Variants in TTN observed in about 807,000 individuals in gnomAD.
The protein encoded by TTN is connectin.
In TTN, 1,525 loss-of-function variants were observed where a neutral mutation model predicts 3,223.0. That is an observed-to-expected ratio of 0.47 (90% CI 0.45 to 0.49). TTN has a LOEUF of 0.49. Ranked by LOEUF, TTN falls within the 20% of genes least tolerant of loss-of-function variation. TTN has a pLI of 0.00. For synonymous variants in TTN, 14,094 were observed against 15,161.0 expected (o/e 0.93, Z 5.17); for missense variants, 40,786 against 43,424.0 (o/e 0.94, Z 5.40).
At chr2:178,578,761 C>CA (rs1553620191) in intron 320 of TTN, 45 bp downstream of exon 320, 1 of 1,604,592 alleles carries the variant, frequency 6.2e-7, no homozygotes, top group Non-Finnish European at 8.5e-7. Context: ...GAAGCCTCCT[C>CA]AAAACCGTGT....
At position 178,534,023 on chromosome 2, in the gene TTN, C is replaced by G. The variant is rs948836784; in HGVS notation, c.102592G>C (p.Asp34198His). ...EDGVAILYVKDITKLDDGTYR... is the reference protein window; with the variant it reads ...EDGVAILYVKHITKLDDGTYR... The stretch of plus-strand genomic sequence containing the variant: ...GTACCATCATCTAATTTGGTAATGT[C>G]TTTGACATAGAGGATGGCCACTCCA... The change falls in exon 358 of 363, where the codon GAC becomes CAC. Residue 34198 changes from aspartate (D) to histidine (H), a missense_variant. Transcript: ENST00000589042. The G allele has an allele frequency of 6.2e-7, 1 of 1,613,828 alleles. No individual in the cohort carries two copies. Among genetic ancestry groups the G allele is most frequent in the Admixed American group, 1.7e-5 (1 of 59,986 alleles).
At chr2:178,699,028 A>T in intron 111 of TTN, 114 bp from the exon 112 acceptor site, 1 of 1,101,848 alleles carries the variant, frequency 9.1e-7, no homozygotes, top group Non-Finnish European at 1.3e-6. Context: ...ATATGTTGAT[A>T]GTAGCGAGAT....
chr2:178,726,836 G>T, intron 69 of TTN: 1 of 333,018 alleles, frequency 3.0e-6, no homozygotes, highest in East Asian at 4.7e-5. Context: ...GAAACATCAC[G>T]TTTGATGTTT....
intron 92 of TTN, 178 bp downstream of exon 92, chr2:178,713,719 T>C: frequency 1.1e-5 from 10 of 911,860 alleles, no homozygotes; most frequent in Non-Finnish European, 1.6e-5. Flanking sequence ...GAAAGGGATA[T>C]AACTTTTGAA....
At position 178,554,519 on chromosome 2, in the gene TTN, C is replaced by T. The variant is rs1289495878; in HGVS notation, c.88828G>A (p.Ala29610Thr). ...TCGCCAATTCCATATTTGTTCACGG[C>T]TCGGACCCGGAAGATGTATTCATTT... ...KGNEYIFRVR[A>T]VNKYGIGEPL... The change falls in exon 332 of 363, where the codon GCC (alanine) becomes ACC (threonine). Residue 29610 changes from alanine to threonine, a missense_variant. Coordinates refer to ENST00000589042, the MANE Select transcript of TTN (RefSeq NM_001267550.2). The T allele has an allele frequency of 1.2e-6, 2 of 1,613,482 alleles. No individual in the cohort carries two copies. Among genetic ancestry groups the T allele is most frequent in the South Asian group, 2.2e-5 (2 of 91,044 alleles).
intron 89 of TTN, 56 bp from the exon 90 acceptor site, chr2:178,715,320 T>A: frequency 6.5e-7 from 1 of 1,528,648 alleles, no homozygotes; most frequent in Non-Finnish European, 8.8e-7. Flanking sequence ...TAGTTAAAAG[T>A]AAGAATCAAT....
chr2:178,696,077 G>C lies in TTN; in HGVS notation c.30995C>G (p.Pro10332Arg), dbSNP rs1266180764. 6 of 1,551,164 alleles carry C rather than the reference G, an allele frequency of 3.9e-6. No homozygotes were observed. The highest frequency in any genetic ancestry group is 5.2e-6 in the Non-Finnish European group (6 of 1,146,682). The change falls in exon 114 of 363, where the codon CCA (proline) becomes CGA (arginine). Residue 10332 changes from proline (P) to arginine (R), a missense_variant. By Grantham distance (103) the Pro-to-Arg change is moderately radical (BLOSUM62 -2). Coordinates refer to ENST00000589042, the MANE Select transcript of TTN (RefSeq NM_001267550.2). ...DELEVEPYTE[P>R]FEQPYYEEPD... ...TTCTTCATAATAAGGTTGTTCAAAT[G>C]GCTCTGTGTATGGTTCTACCTCCAG...
intron 220 of TTN, 40 bp downstream of exon 220, chr2:178,641,201 G>A: frequency 7.5e-7 from 1 of 1,325,270 alleles, no homozygotes; most frequent in Non-Finnish European, 1.0e-6. Context: ...TGTCCATTTT[G>A]TTAAAAGATA....
Position 178,599,802 on chromosome 2 carries a change from G to T in TTN, c.56099C>A (p.Thr18700Asn). Residue 18700 changes from threonine to asparagine, a missense_variant, in exon 289 of 363, where the codon ACC becomes AAC. By Grantham distance (65) the Thr-to-Asn change is moderately conservative (BLOSUM62 0). Transcript: ENST00000589042. Reference protein sequence around the residue: ...LKEFMEVEEGTNVNIVAKIKG... With the variant: ...LKEFMEVEEGNNVNIVAKIKG... ...AATTTTGGCCACAATGTTAACATTG[G>T]TTCCTTCTTCAACCTCCATGAATTC... 1 of 1,605,684 alleles carries T rather than the reference G, an allele frequency of 6.2e-7. No homozygotes were observed. Among genetic ancestry groups the T allele is most frequent in the South Asian group, 1.1e-5 (1 of 89,280 alleles).
intron 308 of TTN, 29 bp downstream of exon 308, chr2:178,586,476 A>G (rs1295863025): frequency 1.2e-6 from 2 of 1,606,088 alleles, no homozygotes; most frequent in Non-Finnish European, 1.7e-6. Flanking sequence ...AACTTACCAC[A>G]TGACATAAAT....
At chr2:178,692,146 T>C (rs1200503327) in intron 120 of TTN, 47 bp from the exon 121 acceptor site, 2 of 1,518,040 alleles carry the variant, frequency 1.3e-6, no homozygotes, top group African/African-American at 2.7e-5. Flanking sequence ...TCTAGTCACC[T>C]TCTGAGACAT....
At chr2:178,714,662 T>C in intron 90 of TTN, 89 bp from the exon 91 acceptor site, 1 of 1,370,788 alleles carries the variant, frequency 7.3e-7, no homozygotes, top group Non-Finnish European at 9.7e-7. Flanking sequence ...ATCAAACTAG[T>C]GATAATGTGT....
chr2:178,757,477 A>C lies in TTN; in HGVS notation c.10678+65T>G, dbSNP rs562019321. ...AATAAAACAAACAGCAGAGACTCTCATTAGTAACAGTGGGACTGAGAGGTA... is the reference window on the plus strand; with the variant it reads ...AATAAAACAAACAGCAGAGACTCTCCTTAGTAACAGTGGGACTGAGAGGTA... On this transcript the variant is annotated intron_variant, in intron 45 of 362. Coordinates refer to ENST00000589042, the MANE Select transcript of TTN (RefSeq NM_001267550.2). The C allele has an allele frequency of 1.7e-4, 249 of 1,475,868 alleles. 1 individual carries two copies. The African/African-American group carries it at 3.1e-3, about 18-fold the overall frequency. The allele number at this position is 1,475,868 out of a possible 1,614,324, so 91.4% of individuals were successfully genotyped here.
In TTN at chr2:178,751,780, G is replaced by A. The variant is rs569831994; in HGVS notation, c.11311+1344C>T. On this transcript the variant is annotated intron_variant, in intron 47 of 362. Transcript: ENST00000589042. ...GAAGACCTGTTGGGATGGGCCGATT[G>A]TTATGAAACCAAGTCATTTCTGGAG... 1.9e-6 allele frequency: 3 copies of A among 1,613,106 alleles called. No individual in the cohort carries two copies. In the East Asian group the frequency reaches 6.7e-5, roughly 36 times the overall value.
rs2061106396 is a variant in TTN at position 178,640,523 on chromosome 2, A to G, written c.40723+18T>C. On this transcript the variant is annotated intron_variant, in intron 221 of 362. Transcript: ENST00000589042. ...TTTGCATTTTTAGAGACAACTAAGA[A>G]TGACAGTAGATTTGTACCTTTTGTT... The G allele has an allele frequency of 6.3e-7, 1 of 1,595,956 alleles. No homozygotes were observed. Among genetic ancestry groups the G allele is most frequent in the Admixed American group, 1.7e-5 (1 of 57,426 alleles).
chr2:178,634,942 T>C lies in TTN; in HGVS notation c.42025-93A>G. On this transcript the variant is annotated intron_variant, in intron 228 of 362. Transcript: ENST00000589042. The surrounding 1 kb of genome is among the most constrained non-coding windows in gnomAD (Gnocchi z 4.6). ...ACAAATTTCTATAGAGTTTTAAAAA[T>C]TACTACTAATAAAAGTAAGCAGAGA... 1 of 1,440,622 alleles carries C rather than the reference T, an allele frequency of 6.9e-7. No individual in the cohort carries two copies. The allele number at this position is 1,440,622 out of a possible 1,614,324, so 89.2% of individuals were successfully genotyped here.
At chr2:178,612,248 T>G in intron 266 of TTN, 29 bp downstream of exon 266, 1 of 1,607,426 alleles carries the variant, frequency 6.2e-7, no homozygotes, top group Non-Finnish European at 8.5e-7. Context: ...GAGCACTTAT[T>G]GTCACAAAGA....
intron 37 of TTN, among the ~76,000 whole-genome samples, chr2:178,769,393 A>G (rs929523450): frequency 6.6e-6 from 1 of 151,712 alleles, no homozygotes; most frequent in Non-Finnish European, 1.5e-5. Context: ...AGCTGGGACT[A>G]CAAGTGTGTG....
chr2:178,717,525 G>A lies in TTN; in HGVS notation c.25349C>T (p.Ser8450Leu). Residue 8450 changes from serine to leucine, a missense_variant and splice_region_variant, in exon 87 of 363, where the codon TCA (serine) becomes TTA (leucine). Physicochemically the swap from Ser to Leu is moderately radical, Grantham distance 145 (BLOSUM62 -2). Transcript: ENST00000589042. ...AGAGGGTACTGTGAGTTACTCACCT[G>A]AGAGAATGAGCTTGGCACTGGATGA... ...TASSSAKLIL[S>L]EHEVPPFFDL... 6.3e-7 allele frequency: 1 copy of A among 1,598,804 alleles called. No individual in the cohort carries two copies. Among genetic ancestry groups the A allele is most frequent in the Non-Finnish European group, 8.5e-7 (1 of 1,171,534 alleles).
Sources: gnomAD v4.1 joint callset for allele counts (sites outside exome capture counted in the v4.1 genomes callset) on GRCh38, gnomAD v4.1.1 for gene constraint, Gnocchi (gnomAD v3.1) non-coding constraint, MANE v1.5 for transcripts, NCBI Gene and HGNC (gene_info 2026-07-23, HGNC 2026-07-21) for gene names.